Variants in AGBL1 observed in about 807,000 individuals in gnomAD.
The protein encoded by AGBL1 is cytosolic carboxypeptidase 4.
A neutral mutation model predicts 118.9 loss-of-function variants in AGBL1; 130 were observed. The ratio of observed to expected loss-of-function variants is 1.09; its 90% CI spans 0.95 to 1.26. The LOEUF is 1.26. AGBL1 is among the 50% of genes most tolerant of loss of function. AGBL1 has a pLI of 0.00. For missense variants in AGBL1, 1,584 were observed against 1,298.1 expected, an observed-to-expected ratio of 1.22 and a Z score of -3.38; for synonymous variants, 555 against 478.9, an observed-to-expected ratio of 1.16 and a Z score of -2.08.
intron 22 of AGBL1, among the ~76,000 whole-genome samples, chr15:86,870,240 G>A (rs1475181432): frequency 6.6e-6 from 1 of 151,928 alleles, no homozygotes; most frequent in African/African-American, 2.4e-5. Flanking sequence ...TATAGACTAA[G>A]AGAAATACTT....
intron 1 of AGBL1, among the ~76,000 whole-genome samples, chr15:86,128,331 G>A (rs1009740167): frequency 6.6e-6 from 1 of 151,986 alleles, no homozygotes; most frequent in Non-Finnish European, 1.5e-5. Context: ...AGAACAGTAT[G>A]GGGGAAACCA....
chr15:86,844,351 T>C (rs901578280), intron 22 of AGBL1, among the ~76,000 whole-genome samples: 1 of 152,186 alleles, frequency 6.6e-6, no homozygotes, highest in Non-Finnish European at 1.5e-5. Context: ...GGGTTCCAGT[T>C]TTCCTACATC....
chr15:86,371,634 C>G (rs1301826110), intron 17 of AGBL1, among the ~76,000 whole-genome samples: 1 of 152,034 alleles, frequency 6.6e-6, no homozygotes, highest in African/African-American at 2.4e-5. Context: ...TACCTCACCC[C>G]GGCTGAGAAT....
chr15:86,823,256 G>A (rs532041757), intron 22 of AGBL1, among the ~76,000 whole-genome samples: 34 of 152,160 alleles, frequency 2.2e-4, no homozygotes, highest in Admixed American at 1.0e-3. Flanking sequence ...AAAAATTAAG[G>A]CCTTGAGAGA....
At position 86,998,855 on chromosome 15, in the gene AGBL1, T is replaced by TTA. The variant is rs779234911; in HGVS notation, c.3323+10781_3323+10782dup. ...CCAAGATTTTACTTTATTTTTTCTT[T>TTA]TATATATATATATATTTTTTATTAT... On this transcript the variant is annotated intron_variant, in intron 24 of 24. Transcript: ENST00000441037. 1.8e-3 allele frequency among the ~76,000 whole-genome samples: 270 copies of TTA among 150,812 alleles called. 2 individuals carry two copies. Among genetic ancestry groups the TTA allele is most frequent in the Admixed American group, 3.6e-3 (55 of 15,140 alleles).
chr15:86,546,597 G>A (rs2083586560), intron 20 of AGBL1, among the ~76,000 whole-genome samples: 3 of 152,134 alleles, frequency 2.0e-5, no homozygotes, highest in African/African-American at 7.2e-5. Context: ...AAATAAATAG[G>A]AAGGGATGAA....
In AGBL1 at chr15:86,545,987, G is replaced by T. The variant is rs1018303768; in HGVS notation, c.2686-15G>T. On this transcript the variant is annotated splice_polypyrimidine_tract_variant and intron_variant, in intron 19 of 22. Coordinates refer to ENST00000614907, the MANE Select transcript of AGBL1 (RefSeq NM_001386094.1). ...CTGACCTGGTTTTATTTTCTCCTTTGTTGGGCTATTGTAGGTTTTCTGTGA... is the reference window on the plus strand; with the variant it reads ...CTGACCTGGTTTTATTTTCTCCTTTTTTGGGCTATTGTAGGTTTTCTGTGA... 4 of 1,609,706 alleles carry T rather than the reference G, an allele frequency of 2.5e-6. No individual in the cohort carries two copies. The highest frequency in any genetic ancestry group is 3.4e-6 in the Non-Finnish European group (4 of 1,176,836).
intron 18 of AGBL1, among the ~76,000 whole-genome samples, chr15:86,458,157 T>C (rs2082283721): frequency 6.6e-6 from 1 of 152,154 alleles, no homozygotes; most frequent in African/African-American, 2.4e-5. Flanking sequence ...TATGACTAAG[T>C]AGCAATCTGA....
intron 7 of AGBL1, among the ~76,000 whole-genome samples, chr15:86,250,992 G>C (rs909467000): frequency 3.9e-5 from 6 of 152,224 alleles, no homozygotes; most frequent in African/African-American, 7.2e-5. Context: ...AGCAGCAGCA[G>C]CAGAGGGAGG....
At chr15:86,819,452 A>T (rs1382316927) in intron 22 of AGBL1, among the ~76,000 whole-genome samples, 1 of 152,016 alleles carries the variant, frequency 6.6e-6, no homozygotes, top group African/African-American at 2.4e-5. Context: ...AGGATACAAA[A>T]TTAATGTGCA....
chr15:86,811,820 A>G (rs530523511), intron 22 of AGBL1, among the ~76,000 whole-genome samples: 2 of 152,320 alleles, frequency 1.3e-5, no homozygotes, highest in East Asian at 3.9e-4. Context: ...ATAAATTTGG[A>G]AGGAGTTATA....
intron 22 of AGBL1, among the ~76,000 whole-genome samples, chr15:86,729,808 G>A (rs2077504276): frequency 6.6e-6 from 1 of 152,144 alleles, no homozygotes; most frequent in Non-Finnish European, 1.5e-5. Flanking sequence ...GGATTGCTGG[G>A]TCAAATGGTA....
At chr15:86,578,246 T>A (rs903110428) in intron 21 of AGBL1, among the ~76,000 whole-genome samples, 1 of 152,228 alleles carries the variant, frequency 6.6e-6, no homozygotes, top group African/African-American at 2.4e-5. Flanking sequence ...GAGATCATTT[T>A]GGAACTTTAA....
intron 1 of AGBL1, among the ~76,000 whole-genome samples, chr15:86,108,694 C>T (rs1010946570): frequency 1.1e-4 from 16 of 152,206 alleles, no homozygotes; most frequent in African/African-American, 3.4e-4. Context: ...CGCAGTGGCT[C>T]ATGCCTATAA....
intron 22 of AGBL1, among the ~76,000 whole-genome samples, chr15:86,758,115 T>A (rs1199006768): frequency 2.6e-5 from 4 of 152,030 alleles, no homozygotes; most frequent in African/African-American, 9.7e-5. Context: ...TATGGTAAAA[T>A]CTGGAAACTA....
intron 21 of AGBL1, among the ~76,000 whole-genome samples, chr15:86,579,276 G>C (rs1036840460): frequency 2.6e-5 from 4 of 152,116 alleles, no homozygotes; most frequent in African/African-American, 9.7e-5. Context: ...CTCAAAAGAG[G>C]AACTTAAAAT....
chr15:86,504,632 G>C lies in AGBL1; in HGVS notation c.2556-18178G>C, dbSNP rs1203404580. Among the ~76,000 whole-genome samples the C allele has an allele frequency of 2.0e-5, 3 of 151,372 alleles. No homozygotes were observed. In the East Asian group the frequency reaches 5.8e-4, roughly 29 times the overall value. On this transcript the variant is annotated intron_variant, in intron 18 of 22. Coordinates refer to ENST00000614907, the MANE Select transcript of AGBL1 (RefSeq NM_001386094.1). ...ATATTGATATATAACAATCTAGTCA[G>C]ATTAAAACAAACTTAATTGCAATAG...
intron 21 of AGBL1, among the ~76,000 whole-genome samples, chr15:86,658,573 A>G (rs534882861): frequency 2.0e-5 from 3 of 152,082 alleles, no homozygotes; most frequent in Non-Finnish European, 2.9e-5. Flanking sequence ...TTTTACAACT[A>G]TGACTCTTAC....
At chr15:86,956,018 T>C (rs371236792) in intron 23 of AGBL1, among the ~76,000 whole-genome samples, 1 of 152,044 alleles carries the variant, frequency 6.6e-6, no homozygotes, top group Admixed American at 6.6e-5. Context: ...TCTGGGTAAA[T>C]AGAGCTATAC....
Sources: gnomAD v4.1 joint callset for allele counts (sites outside exome capture counted in the v4.1 genomes callset) on GRCh38, gnomAD v4.1.1 for gene constraint, MANE v1.5 for transcripts, NCBI Gene and HGNC (gene_info 2026-07-23, HGNC 2026-07-21) for gene names.